PCDHGA4: variants seen among roughly 807,000 people sequenced by gnomAD.
The protein encoded by PCDHGA4 is protocadherin gamma-A4.
Under a neutral mutation model 54.6 loss-of-function variants are expected in PCDHGA4, and 38 were observed. That is an observed-to-expected ratio of 0.70 (90% CI 0.54 to 0.91). The LOEUF is 0.91. Ranked by LOEUF, PCDHGA4 falls within the 40% of genes least tolerant of loss-of-function variation. The pLI is 0.00. For missense variants in PCDHGA4, 1,298 were observed against 1,220.9 expected (o/e 1.06, Z -0.94); for synonymous variants, 511 against 512.9 (o/e 1.00, Z 0.05).
rs1280525764 is a variant in PCDHGA4 at position 141,367,851 on chromosome 5, GT to G, written c.2514+10233del. Reference sequence around the variant, plus strand: ...AATCAATACCTACTGCAATGTTAGCGTTTCTTTAAGTGTAGGTGCAATTCTT... The same window carrying G: ...AATCAATACCTACTGCAATGTTAGCGTTCTTTAAGTGTAGGTGCAATTCTT... On this transcript the variant is annotated intron_variant, in intron 1 of 3. Transcript: ENST00000571252. 2.6e-5 allele frequency: 4 copies of G among 151,844 alleles called. No homozygotes were observed. The East Asian group carries it at 5.8e-4, about 22-fold the overall frequency. The allele number at this position is 151,844 out of a possible 1,614,324, so 9.4% of individuals were successfully genotyped here.
At chr5:141,419,004 T>C in intron 1 of PCDHGA4, 1 of 1,613,886 alleles carries the variant, frequency 6.2e-7, no homozygotes, top group Non-Finnish European at 8.5e-7. Context: ...AATGGGGAAG[T>C]CAGGTGTAGC....
chr5:141,402,098 C>G (rs2094224797), intron 1 of PCDHGA4, among the ~76,000 whole-genome samples: 1 of 152,048 alleles, frequency 6.6e-6, no homozygotes, highest in Non-Finnish European at 1.5e-5. Context: ...AAAGTTTAAG[C>G]AATTACAAAA....
chr5:141,474,516 T>G (rs999585038), intron 1 of PCDHGA4, among the ~76,000 whole-genome samples: 1 of 152,240 alleles, frequency 6.6e-6, no homozygotes, highest in Non-Finnish European at 1.5e-5. Context: ...GCCCTCTTGC[T>G]GGTCTGGCTA....
At chr5:141,420,164 A>G (rs2096471602) in intron 1 of PCDHGA4, 1 of 1,614,040 alleles carries the variant, frequency 6.2e-7, no homozygotes, top group Non-Finnish European at 8.5e-7. Context: ...TAATTTTTTC[A>G]CATCTGTTGA....
rs564582881 is a variant in PCDHGA4, at chr5:141,432,735, C to T, written c.2515-62072C>T. ...CAGCCCCCTCTCTCCGCCACTGTCA[C>T]GCTCACCGTGGCCGTGGCCGACAGC... On this transcript the variant is annotated intron_variant, in intron 1 of 3. Coordinates refer to ENST00000571252, the MANE Select transcript of PCDHGA4 (RefSeq NM_018917.4). This position sits in a 1 kb window ranked among gnomAD's most constrained non-coding sequence, Gnocchi z 6.0. 2 of 1,614,094 alleles carry T rather than the reference C, an allele frequency of 1.2e-6. No individual in the cohort carries two copies. The highest frequency in any genetic ancestry group is 1.1e-5 in the South Asian group (1 of 91,086).
chr5:141,487,499 G>A lies in PCDHGA4; in HGVS notation c.2515-7308G>A, dbSNP rs2099647158. On this transcript the variant is annotated intron_variant, in intron 1 of 3. Transcript: ENST00000571252. This position sits in a 1 kb window ranked among gnomAD's most constrained non-coding sequence, Gnocchi z 5.0. ...CCACTCTCATGGCTGTACACCCTTGGCTTCTGCACCCACTCGGAGTGATAG... is the reference window on the plus strand; with the variant it reads ...CCACTCTCATGGCTGTACACCCTTGACTTCTGCACCCACTCGGAGTGATAG... The A allele has an allele frequency of 3.1e-6, 5 of 1,614,152 alleles. No homozygotes were observed. The highest frequency in any genetic ancestry group is 2.2e-5 in the East Asian group (1 of 44,852).
intron 1 of PCDHGA4, among the ~76,000 whole-genome samples, chr5:141,387,387 G>C (rs2090926240): frequency 6.6e-6 from 1 of 152,214 alleles, no homozygotes; most frequent in Non-Finnish European, 1.5e-5. Context: ...TATATAGATA[G>C]TGCATGTTTG....
chr5:141,478,668 T>G (rs1411369994), intron 1 of PCDHGA4: 40 of 1,551,660 alleles, frequency 2.6e-5, no homozygotes, highest in Non-Finnish European at 3.4e-5. Flanking sequence ...CATTCACACT[T>G]TCAACTGGCC....
intron 1 of PCDHGA4, chr5:141,393,869 G>A: frequency 1.2e-6 from 2 of 1,613,982 alleles, no homozygotes; most frequent in Non-Finnish European, 1.7e-6. Context: ...TTACGTCTTT[G>A]TTTAGCCCAG....
intron 1 of PCDHGA4, chr5:141,398,937 C>G: frequency 6.2e-7 from 1 of 1,613,902 alleles, no homozygotes; most frequent in Non-Finnish European, 8.5e-7. Context: ...CTGACCAAGA[C>G]GAGGGCATCA....
intron 1 of PCDHGA4, chr5:141,416,335 C>A (rs573998059): frequency 6.6e-6 from 1 of 152,256 alleles, no homozygotes; most frequent in Non-Finnish European, 1.5e-5. Flanking sequence ...ACTTTCATTG[C>A]TCAATAGGGA....
intron 1 of PCDHGA4, chr5:141,411,432 AC>A (rs1483186233): frequency 6.6e-6 from 1 of 151,012 alleles, no homozygotes; most frequent in African/African-American, 2.4e-5. Context: ...ACAAAAAAAA[AC>A]ATTAGCAGAG....
intron 3 of PCDHGA4, among the ~76,000 whole-genome samples, chr5:141,507,805 G>C (rs2099863746): frequency 6.6e-6 from 1 of 152,204 alleles, no homozygotes; most frequent in Non-Finnish European, 1.5e-5. Flanking sequence ...TGCGCCCTGG[G>C]GAACGGACCC....
intron 1 of PCDHGA4, chr5:141,384,793 C>T (rs1780512284): frequency 1.9e-6 from 3 of 1,613,400 alleles, no homozygotes; most frequent in Non-Finnish European, 2.5e-6. Flanking sequence ...GGCTCGGGCC[C>T]TGCTGGACAG....
At chr5:141,450,355 C>T (rs943649682) in intron 1 of PCDHGA4, among the ~76,000 whole-genome samples, 2 of 152,090 alleles carry the variant, frequency 1.3e-5, no homozygotes, top group Non-Finnish European at 2.9e-5. Context: ...TGAAACAGTT[C>T]CTCAGCCTTG....
intron 1 of PCDHGA4, chr5:141,395,179 A>C: frequency 6.2e-7 from 1 of 1,614,164 alleles, no homozygotes; most frequent in South Asian, 1.1e-5. Flanking sequence ...GAGAAAAATG[A>C]TTCTTTGTTA....
At chr5:141,419,261 G>C (rs758952830) in intron 1 of PCDHGA4, 16 of 1,613,982 alleles carry the variant, frequency 9.9e-6, no homozygotes, top group Non-Finnish European at 1.3e-5. Context: ...CAACCAGCCG[G>C]GTGCCTCCAT....
chr5:141,403,100 A>G (rs1295654527), intron 1 of PCDHGA4: 5 of 1,613,992 alleles, frequency 3.1e-6, no homozygotes, highest in Non-Finnish European at 4.2e-6. Flanking sequence ...CAACATCTCC[A>G]AGGACCTGGC....
chr5:141,484,757 T>C (rs2099600412), intron 1 of PCDHGA4, among the ~76,000 whole-genome samples: 1 of 151,626 alleles, frequency 6.6e-6, no homozygotes, highest in East Asian at 1.9e-4. Flanking sequence ...AATGTATATA[T>C]ATATATATGT....
Sources: allele counts gnomAD v4.1 joint callset (sites outside exome capture counted in the v4.1 genomes callset), GRCh38; gene constraint gnomAD v4.1.1; non-coding constraint Gnocchi (gnomAD v3.1); transcripts MANE v1.5; gene names NCBI Gene and HGNC (gene_info 2026-07-23, HGNC 2026-07-21).